The following USP28 variants were observed in gnomAD, a reference collection of about 807,000 sequenced individuals.
The protein encoded by USP28 is ubiquitin carboxyl-terminal hydrolase 28.
Under a neutral mutation model 145.0 loss-of-function variants are expected in USP28, and 113 were observed. The ratio of observed to expected loss-of-function variants is 0.78; its 90% CI spans 0.67 to 0.91. The LOEUF is 0.91. USP28 is among the 40% of genes least tolerant of loss of function. USP28 has a pLI of 0.00. For missense variants in USP28, 1,201 were observed against 1,289.6 expected, an observed-to-expected ratio of 0.93 and a Z score of 1.05; for synonymous variants, 447 against 450.9, an observed-to-expected ratio of 0.99 and a Z score of 0.11.
At chr11:113,815,834 C>T (rs1941652628) in intron 13 of USP28, among the ~76,000 whole-genome samples, 1 of 152,186 alleles carries the variant, frequency 6.6e-6, no homozygotes, top group Non-Finnish European at 1.5e-5. Flanking sequence ...TGACACTATC[C>T]TTCCTGGAAC....
exon 13 of USP28, chr11:113,817,823 C>T (rs756794438): frequency 1.2e-6 from 2 of 1,614,104 alleles, no homozygotes; most frequent in Non-Finnish European, 1.7e-6. Context: ...TGGGCCTGAG[C>T]CATATTTCAC....
At chr11:113,817,232 T>C (rs1225583235) in intron 13 of USP28, among the ~76,000 whole-genome samples, 1 of 152,222 alleles carries the variant, frequency 6.6e-6, no homozygotes, top group Non-Finnish European at 1.5e-5. Flanking sequence ...CCAGTTCTTT[T>C]TCAAGTACTA....
chr11:113,805,729 C>T (rs906282628), intron 19 of USP28, among the ~76,000 whole-genome samples: 2 of 152,128 alleles, frequency 1.3e-5, no homozygotes, highest in Non-Finnish European at 2.9e-5. Context: ...TTGTTATGGC[C>T]TCAAAATTAC....
chr11:113,833,536 T>C (rs775959658), exon 7 of USP28: 7 of 1,613,812 alleles, frequency 4.3e-6, no homozygotes, highest in Middle Eastern at 1.6e-4. Flanking sequence ...AGCTCTTGCA[T>C]AAACATGATA....
At chr11:113,806,650 G>GA in intron 18 of USP28, 66 bp from the exon 20 acceptor site, 2 of 1,192,388 alleles carry the variant, frequency 1.7e-6, no homozygotes, top group Non-Finnish European at 2.4e-6. Context: ...AAGACTGTAT[G>GA]AAAGCAGGCT....
intron 1 of USP28, among the ~76,000 whole-genome samples, chr11:113,873,686 T>C (rs527590599): frequency 6.6e-6 from 1 of 152,340 alleles, no homozygotes; most frequent in South Asian, 2.1e-4. Flanking sequence ...TAAATCACTG[T>C]GCTAAAAACA....
intron 10 of USP28, 99 bp downstream of exon 10, chr11:113,829,096 TAA>T (rs1943692093): frequency 6.6e-7 from 1 of 1,505,258 alleles, no homozygotes; most frequent in Non-Finnish European, 9.1e-7. Context: ...CTGCTAAGTG[TAA>T]AGTTACTTAA....
intron 1 of USP28, among the ~76,000 whole-genome samples, chr11:113,874,044 G>A (rs2137298510): frequency 6.6e-6 from 1 of 151,906 alleles, no homozygotes; most frequent in Non-Finnish European, 1.5e-5. Context: ...GGGAGGCTGA[G>A]GCAGGAGAAT....
At chr11:113,821,610 A>C (rs903284581) in intron 12 of USP28, 1 of 186,082 alleles carries the variant, frequency 5.4e-6, no homozygotes, top group African/African-American at 2.3e-5. Context: ...TTTCCTGTCC[A>C]GGGACTCTTC....
rs758157595 is a variant in USP28 at position 113,804,845 on chromosome 11, TCA to T, written c.2579+21_2579+22del. On this transcript the variant is annotated intron_variant, in intron 20 of 24. Coordinates refer to ENST00000003302, the Ensembl canonical transcript of USP28. ...TCTAGCCCAACCCAGACCAAGGGAT[TCA>T]CCTGAATATTCTCTTCTCACCTTTC... is the stretch of plus-strand genomic sequence containing the variant. 29 of 1,611,822 alleles carry T rather than the reference TCA, an allele frequency of 1.8e-5. No homozygotes were observed. The East Asian group carries it at 5.8e-4, about 32-fold the overall frequency.
intron 5 of USP28, among the ~76,000 whole-genome samples, chr11:113,839,453 C>T (rs1944946126): frequency 6.6e-6 from 1 of 152,116 alleles, no homozygotes. Flanking sequence ...GGTGTGGTGG[C>T]ACACGCCTGT....
chr11:113,808,167 G>GA lies in USP28; in HGVS notation c.2304+130dup, dbSNP rs768278572. ...GCAGCAGAGTGGGGAGAAAGAGTAA[G>GA]AAAAAACAGGAGAAATAAATAGGGG... On this transcript the variant is annotated intron_variant, in intron 18 of 24. Transcript: ENST00000003302. 5.3e-6 allele frequency: 8 copies of GA among 1,522,278 alleles called. No homozygotes were observed. The African/African-American group carries it at 8.3e-5, about 16-fold the overall frequency. 94.3% of individuals were successfully genotyped at this position (1,522,278 alleles called of 1,614,324 possible). A position where few individuals can be genotyped will look rare whatever the true frequency, so the allele number is the denominator to read the frequency against.
chr11:113,846,960 A>C (rs1301217500), intron 3 of USP28, among the ~76,000 whole-genome samples: 3 of 152,172 alleles, frequency 2.0e-5, no homozygotes, highest in African/African-American at 7.2e-5. Flanking sequence ...ACACCACTGC[A>C]CTCCAGCCTG....
chr11:113,834,201 A>G (rs1944322435), intron 6 of USP28, 48 bp downstream of exon 6: 3 of 1,445,924 alleles, frequency 2.1e-6, no homozygotes, highest in Non-Finnish European at 2.9e-6. Context: ...AGCCTTAGGG[A>G]TGAAAGGGAC....
chr11:113,812,550 T>C, intron 15 of USP28, 46 bp from the exon 16 acceptor site: 2 of 1,538,400 alleles, frequency 1.3e-6, no homozygotes, highest in Non-Finnish European at 1.8e-6. Context: ...AGCAAAGTAA[T>C]CTGATAAAGT....
intron 16 of USP28, 90 bp downstream of exon 16, chr11:113,812,186 T>A: frequency 1.2e-6 from 1 of 846,344 alleles, no homozygotes; most frequent in Non-Finnish European, 1.8e-6. Context: ...TAGTAAGTTG[T>A]AAATTTTTTA....
chr11:113,814,886 TA>T (rs11330248), intron 14 of USP28, among the ~76,000 whole-genome samples: 50,862 of 139,650 alleles, frequency 0.36, 8,937 homozygotes, highest in East Asian at 0.46. Flanking sequence ...CCATCTCTAC[TA>T]AAAAAAAAAA....
At chr11:113,811,573 A>G (rs1412372993) in intron 16 of USP28, among the ~76,000 whole-genome samples, 1 of 152,176 alleles carries the variant, frequency 6.6e-6, no homozygotes, top group Non-Finnish European at 1.5e-5. Flanking sequence ...CTGTAATTCC[A>G]GCTGCTTGCG....
At chr11:113,844,885 G>T (rs1393798118) in intron 3 of USP28, among the ~76,000 whole-genome samples, 2 of 152,022 alleles carry the variant, frequency 1.3e-5, no homozygotes, top group African/African-American at 4.8e-5. Flanking sequence ...TGGGCAGATG[G>T]CTTGAGCTAA....
Sources: gnomAD v4.1 joint callset for allele counts (sites outside exome capture counted in the v4.1 genomes callset) on GRCh38, gnomAD v4.1.1 for gene constraint, MANE v1.5 for transcripts, NCBI Gene and HGNC (gene_info 2026-07-23, HGNC 2026-07-21) for gene names.